Variants in AHNAK observed in about 807,000 individuals in gnomAD.
AHNAK encodes AHNAK nucleoprotein, also known as neuroblast differentiation-associated protein AHNAK.
Under a neutral mutation model 37.8 loss-of-function variants are expected in AHNAK, and 23 were observed. The observed-to-expected ratio is 0.61, with a 90% CI of 0.44 to 0.86. The LOEUF (loss-of-function observed/expected upper bound fraction) is 0.86, where lower values mean the gene tolerates loss of function less well. AHNAK is among the 40% of genes least tolerant of loss of function. AHNAK has a pLI of 0.00. For missense variants in AHNAK, 7,411 were observed against 7,319.4 expected, an observed-to-expected ratio of 1.01 and a Z score of -0.46; for synonymous variants, 2,481 against 2,636.3, an observed-to-expected ratio of 0.94 and a Z score of 1.80.
intron 3 of AHNAK, among the ~76,000 whole-genome samples, chr11:62,535,629 C>A (rs1940919034): frequency 1.4e-5 from 2 of 147,234 alleles, no homozygotes; most frequent in Admixed American, 6.8e-5. Context: ...GCCTGGGCAA[C>A]AAGAACAAAA....
At position 62,483,245 on chromosome 11, in the gene AHNAK, C is replaced by T. The variant is rs372428007; in HGVS notation, c.442+8487G>A. 2.0e-4 allele frequency among the ~76,000 whole-genome samples: 30 copies of T among 152,336 alleles called. No individual in the cohort carries two copies. The East Asian group carries it at 5.4e-3, about 27-fold the overall frequency. On this transcript the variant is annotated intron_variant, in intron 5 of 5. Coordinates refer to the AHNAK transcript ENST00000257247. ...TGCTTTACCAGAAGAATGCTGCAGG[C>T]TCATGAATCAATCAGTTCAGAGCTC...
chr11:62,519,109 T>C lies in AHNAK; in HGVS notation c.15308A>G (p.Lys5103Arg). 6.2e-7 allele frequency: 1 copy of C among 1,613,718 alleles called. No homozygotes were observed. The highest frequency in any genetic ancestry group is 8.5e-7 in the Non-Finnish European group (1 of 1,179,880). The change falls in exon 5 of 5, where the codon AAA becomes AGA. Residue 5103 changes from lysine (K) to arginine (R), a missense_variant. Transcript: ENST00000378024. ...GGGGCTAGGGAGAGGGGCCTCAGCT[T>C]TAAATTTAGGTGATTTAATGTCAAA... ...VEFDIKSPKF[K>R]AEAPLPSPKL...
At chr11:62,535,834 TG>T in intron 3 of AHNAK, 110 bp downstream of exon 3, 1 of 1,388,940 alleles carries the variant, frequency 7.2e-7, no homozygotes, top group Non-Finnish European at 9.6e-7. Context: ...CCACTGGGAA[TG>T]GGCCCTCGAC....
At chr11:62,538,993 C>T (rs1197060700) in intron 1 of AHNAK, among the ~76,000 whole-genome samples, 2 of 152,196 alleles carry the variant, frequency 1.3e-5, no homozygotes, top group African/African-American at 4.8e-5. Flanking sequence ...TCCTGTTTGA[C>T]AACGCGGTGT....
At chr11:62,453,859 C>T (rs1314006004) in intron 5 of AHNAK, among the ~76,000 whole-genome samples, 2 of 152,180 alleles carry the variant, frequency 1.3e-5, no homozygotes, top group Admixed American at 6.5e-5. Context: ...CGGTGGCTCA[C>T]GCCTGTAATT....
chr11:62,444,724 G>GGTAA (rs1938388998), intron 5 of AHNAK, among the ~76,000 whole-genome samples: 1 of 152,180 alleles, frequency 6.6e-6, no homozygotes, highest in South Asian at 2.1e-4. Context: ...CTCCGGGTGC[G>GGTAA]TCAGCTGATT....
Position 62,521,845 on chromosome 11 carries a change from A to G in AHNAK, c.12572T>C (p.Val4191Ala). The stretch of plus-strand genomic sequence containing the variant: ...AGGCATGCTGAACTTGGGCATTTTC[A>G]CTTTGGGCATTTTTAAGTGCCAGTC... ...GPDWHLKMPK[V>A]KMPKFSMPGF... The change falls in exon 5 of 5, where the codon GTG (valine) becomes GCG (alanine). Residue 4191 changes from valine (V) to alanine (A), a missense_variant. Val to Ala is a moderately conservative substitution (Grantham distance 64, BLOSUM62 0). Coordinates refer to ENST00000378024, the MANE Select transcript of AHNAK (RefSeq NM_001620.3). The G allele has an allele frequency of 1.2e-6, 2 of 1,611,752 alleles. No homozygotes were observed. The highest frequency in any genetic ancestry group is 1.7e-6 in the Non-Finnish European group (2 of 1,179,554).
intron 4 of AHNAK, among the ~76,000 whole-genome samples, chr11:62,501,626 C>T (rs1939714209): frequency 6.6e-6 from 1 of 152,206 alleles, no homozygotes; most frequent in Admixed American, 6.5e-5. Context: ...CTTGCCAAAC[C>T]CCAGCATGAT....
intron 4 of AHNAK, among the ~76,000 whole-genome samples, chr11:62,509,182 T>C (rs964670478): frequency 6.6e-6 from 1 of 152,096 alleles, no homozygotes; most frequent in Non-Finnish European, 1.5e-5. Flanking sequence ...CAAACCCAGA[T>C]TGAGGGACAT....
intron 5 of AHNAK, among the ~76,000 whole-genome samples, chr11:62,442,991 A>G (rs1246153202): frequency 1.3e-5 from 2 of 150,686 alleles, no homozygotes; most frequent in Non-Finnish European, 3.0e-5. Flanking sequence ...TTTTTTTTTG[A>G]GACAGAGTCT....
intron 2 of AHNAK, 136 bp downstream of exon 2, chr11:62,536,333 C>G (rs1257273862): frequency 8.9e-6 from 4 of 450,552 alleles, no homozygotes; most frequent in Non-Finnish European, 1.2e-5. Context: ...GGAAAGGAGA[C>G]AGCAGAGGCA....
intron 4 of AHNAK, among the ~76,000 whole-genome samples, chr11:62,502,926 T>C (rs944848263): frequency 6.6e-6 from 1 of 152,204 alleles, no homozygotes; most frequent in African/African-American, 2.4e-5. Context: ...AAGTGCTCCC[T>C]GGGCATTGGC....
chr11:62,446,345 G>T (rs1394095773), intron 5 of AHNAK, among the ~76,000 whole-genome samples: 7 of 152,078 alleles, frequency 4.6e-5, no homozygotes, highest in Admixed American at 4.6e-4. Context: ...GACTCTGCAG[G>T]ATCTGGTGGC....
intron 5 of AHNAK, among the ~76,000 whole-genome samples, chr11:62,490,490 C>T (rs916360298): frequency 6.6e-6 from 1 of 152,060 alleles, no homozygotes; most frequent in South Asian, 2.1e-4. Flanking sequence ...CGTCAGCCAC[C>T]GCACCAGGCT....
chr11:62,433,699 T>G, exon 6 of AHNAK: 2 of 704,498 alleles, frequency 2.8e-6, no homozygotes, highest in Non-Finnish European at 4.7e-6. Flanking sequence ...CAGCCCTCGG[T>G]CTGGCCTGGC....
In AHNAK at chr11:62,468,485, G is replaced by A. The variant is rs1310626149; in HGVS notation, c.442+23247C>T. Among the ~76,000 whole-genome samples the A allele has an allele frequency of 3.3e-5, 5 of 152,070 alleles. No individual in the cohort carries two copies. The South Asian group carries it at 6.2e-4, about 19-fold the overall frequency. ...AGGTTGCTAAATAAAATTATAGGAG[G>A]CCATTGGTTTGGACTGAGCTCCTGC... On this transcript the variant is annotated intron_variant, in intron 5 of 5. Transcript: ENST00000257247.
intron 5 of AHNAK, among the ~76,000 whole-genome samples, chr11:62,472,996 A>T (rs1227697945): frequency 6.7e-6 from 1 of 150,168 alleles, no homozygotes; most frequent in Non-Finnish European, 1.5e-5. Context: ...GAGGCACAAG[A>T]ATCACTTGAA....
intron 1 of AHNAK, among the ~76,000 whole-genome samples, chr11:62,545,375 G>C (rs1349520083): frequency 2.0e-5 from 3 of 152,204 alleles, no homozygotes; most frequent in Non-Finnish European, 4.4e-5. Context: ...AAGGGGCACA[G>C]CCAGCCCTGT....
intron 5 of AHNAK, among the ~76,000 whole-genome samples, chr11:62,462,321 G>A (rs1590601423): frequency 6.6e-6 from 1 of 150,938 alleles, no homozygotes; most frequent in Non-Finnish European, 1.5e-5. Flanking sequence ...GTTATTCAAA[G>A]CTCAGCGGCC....
Sources: gnomAD v4.1 joint callset for allele counts (sites outside exome capture counted in the v4.1 genomes callset) on GRCh38, gnomAD v4.1.1 for gene constraint, MANE v1.5 for transcripts, NCBI Gene and HGNC (gene_info 2026-07-23, HGNC 2026-07-21) for gene names.